Variants in SLC6A9 observed in about 807,000 individuals in gnomAD.
SLC6A9 encodes sodium- and chloride-dependent glycine transporter 1.
SLC6A9 carries 31 observed loss-of-function variants against 70.9 expected under a neutral mutation model. That is an observed-to-expected ratio of 0.44 (90% CI 0.33 to 0.59). The LOEUF (loss-of-function observed/expected upper bound fraction) is 0.59. Among genes scored for constraint, SLC6A9 ranks in the 20% least tolerant of loss-of-function variants. The pLI is 0.04. For missense variants in SLC6A9, 631 were observed against 845.2 expected, an observed-to-expected ratio of 0.75 and a Z score of 3.14; for synonymous variants, 310 against 341.3, an observed-to-expected ratio of 0.91 and a Z score of 1.01.
intron 1 of SLC6A9, 38 bp from the exon 2 acceptor site, chr1:44,024,400 G>A (rs766389235): frequency 6.6e-5 from 84 of 1,272,714 alleles, no homozygotes; most frequent in East Asian, 2.1e-4. Context: ...GGACTTGGCC[G>A]TGTGGCCCAC....
chr1:44,030,249 G>A (rs892276950), intron 1 of SLC6A9, among the ~76,000 whole-genome samples: 17 of 152,166 alleles, frequency 1.1e-4, no homozygotes, highest in Non-Finnish European at 2.1e-4. Flanking sequence ...AGATGTGGGG[G>A]CACGGGCGTT....
rs201753658 is a variant in SLC6A9, at chr1:44,000,752, G to C, written c.1536+15C>G. 1.3e-6 allele frequency: 2 copies of C among 1,552,812 alleles called. No individual in the cohort carries two copies. The highest frequency in any genetic ancestry group is 1.2e-5 in the South Asian group (1 of 85,910). Reference sequence around the variant, plus strand: ...GGGGCAGCGGGGGAAGGGAGGGGCCGGCCAGGGAACTCACGAAGATGATGG... The same window carrying C: ...GGGGCAGCGGGGGAAGGGAGGGGCCCGCCAGGGAACTCACGAAGATGATGG... On this transcript the variant is annotated intron_variant, in intron 12 of 13. Coordinates refer to ENST00000372310, the MANE Select transcript of SLC6A9 (RefSeq NM_001024845.3).
chr1:44,017,130 TCATTC>T lies in SLC6A9; in HGVS notation c.31-6253_31-6249del, dbSNP rs1342968582. 6 of 1,607,246 alleles carry T rather than the reference TCATTC, an allele frequency of 3.7e-6. No homozygotes were observed. In the Admixed American group the frequency reaches 6.8e-5, roughly 18 times the overall value. The stretch of plus-strand genomic sequence containing the variant: ...ATCGCAGCCCGCGTGTCTCCGCCGC[TCATTC>T]ACACCTCTGCCAGCTCCAGCGCGAC... On this transcript the variant is annotated intron_variant, in intron 2 of 13. Transcript: ENST00000372310.
chr1:44,030,451 A>G (rs2087085771), intron 1 of SLC6A9: 1 of 150,982 alleles, frequency 6.6e-6, no homozygotes, highest in South Asian at 2.0e-4. Flanking sequence ...CCTGCTCGAG[A>G]TCTGCAGTGG....
intron 12 of SLC6A9, 117 bp downstream of exon 12, chr1:44,000,650 T>G (rs34727426): frequency 1.5e-6 from 1 of 686,348 alleles, no homozygotes; most frequent in Non-Finnish European, 2.5e-6. Flanking sequence ...GCCAGAGTCA[T>G]GGGTATGGAG....
chr1:44,000,754 C>A lies in SLC6A9; in HGVS notation c.1536+13G>T. 1 of 1,565,880 alleles carries A rather than the reference C, an allele frequency of 6.4e-7. No individual in the cohort carries two copies. The highest frequency in any genetic ancestry group is 8.7e-7 in the Non-Finnish European group (1 of 1,145,450). Reference sequence around the variant, plus strand: ...GGCAGCGGGGGAAGGGAGGGGCCGGCCAGGGAACTCACGAAGATGATGGCG... The same window carrying A: ...GGCAGCGGGGGAAGGGAGGGGCCGGACAGGGAACTCACGAAGATGATGGCG... On this transcript the variant is annotated intron_variant, in intron 12 of 13. Transcript: ENST00000372310.
intron 2 of SLC6A9, among the ~76,000 whole-genome samples, chr1:44,020,259 T>G (rs2086856688): frequency 1.3e-5 from 2 of 152,194 alleles, no homozygotes; most frequent in African/African-American, 4.8e-5. Context: ...GTGCCCACCG[T>G]GTGCCAAATC....
chr1:44,012,255 G>A (rs549705009), intron 2 of SLC6A9, among the ~76,000 whole-genome samples: 4 of 152,340 alleles, frequency 2.6e-5, no homozygotes, highest in East Asian at 3.9e-4. Context: ...AAACACAGAC[G>A]GAATGAATGG....
chr1:44,019,282 C>T (rs2086837022), intron 2 of SLC6A9, among the ~76,000 whole-genome samples: 1 of 152,250 alleles, frequency 6.6e-6, no homozygotes, highest in South Asian at 2.1e-4. Flanking sequence ...CATATCTTAA[C>T]TCATTGGGTC....
intron 5 of SLC6A9, among the ~76,000 whole-genome samples, chr1:44,007,882 T>G (rs1380401560): frequency 1.5e-5 from 2 of 135,728 alleles, no homozygotes; most frequent in Non-Finnish European, 3.1e-5. Context: ...CATCTTCCAT[T>G]GCTTTCTTTC....
chr1:44,001,970 A>G (rs764197203), intron 8 of SLC6A9, among the ~76,000 whole-genome samples: 1 of 152,164 alleles, frequency 6.6e-6, no homozygotes, highest in Non-Finnish European at 1.5e-5. Context: ...TCCTGGGCTC[A>G]AGTGATCCTC....
chr1:44,016,601 T>TCCCCTTCCCCCAC (rs1236963388), intron 2 of SLC6A9: 2 of 162,790 alleles, frequency 1.2e-5, no homozygotes, highest in Non-Finnish European at 2.6e-5. Flanking sequence ...TCTTGCCCCA[T>TCCCCTTCCCCCAC]CCCCTTCCCC....
chr1:44,010,574 A>C, intron 3 of SLC6A9, 152 bp downstream of exon 3: 1 of 691,046 alleles, frequency 1.4e-6, no homozygotes, highest in Non-Finnish European at 2.4e-6. Flanking sequence ...CCTTAGGCAA[A>C]GGGTGCCTAA....
At chr1:44,017,197 G>C (rs1454849852) in intron 2 of SLC6A9, 3 of 1,569,874 alleles carry the variant, frequency 1.9e-6, no homozygotes, top group Non-Finnish European at 2.6e-6. Flanking sequence ...TGCCGGGCTG[G>C]GCAGCGTCAA....
chr1:44,001,548 T>C lies in SLC6A9; in HGVS notation c.1042A>G (p.Met348Val), dbSNP rs557841875. 6.2e-7 allele frequency: 1 copy of C among 1,614,254 alleles called. No homozygotes were observed. The highest frequency in any genetic ancestry group is 8.5e-7 in the Non-Finnish European group (1 of 1,180,046). ...ACATCCACGCCCAGGTGATTGGCCA[T>C]GAAGCCGAGGATGGAGAAGATGACG... ...GFVIFSILGFMANHLGVDVSR... is the reference protein window; with the variant it reads ...GFVIFSILGFVANHLGVDVSR... The change falls in exon 9 of 14, where the codon ATG becomes GTG. Residue 348 changes from methionine (M) to valine (V), a missense_variant. Coordinates refer to ENST00000372310, the MANE Select transcript of SLC6A9 (RefSeq NM_001024845.3).
rs369947347 is a variant in SLC6A9, at chr1:43,997,593, G to A, written c.1854C>T (p.Pro618=). Residue 618 remains proline, a synonymous_variant, in exon 14 of 14, where the codon CCC becomes CCT. Transcript: ENST00000372310. This position sits in a 1 kb window ranked among gnomAD's most constrained non-coding sequence, Gnocchi z 4.4. ...QPLHPDKAQI[P]IVGSNGSSRL... is the part of the protein sequence containing the mutation. ...GGCTGGAGCCATTACTGCCCACAAT[G>A]GGGATCTGCGCCTTGTCCGGGTGCA... The A allele has an allele frequency of 6.2e-7, 1 of 1,613,764 alleles. No individual in the cohort carries two copies. Among genetic ancestry groups the A allele is most frequent in the Non-Finnish European group, 8.5e-7 (1 of 1,179,992 alleles).
chr1:44,029,663 C>A (rs967557712), intron 1 of SLC6A9, among the ~76,000 whole-genome samples: 1 of 152,228 alleles, frequency 6.6e-6, no homozygotes, highest in African/African-American at 2.4e-5. Context: ...GTGCCCAAGT[C>A]TGGCTCCCCA....
chr1:44,008,688 T>C (rs2086418288), intron 4 of SLC6A9, 65 bp from the exon 5 acceptor site: 2 of 1,275,152 alleles, frequency 1.6e-6, no homozygotes, highest in African/African-American at 1.9e-5. Flanking sequence ...AGGTTAATAA[T>C]TTCTTTTTTT....
chr1:44,009,921 G>A lies in SLC6A9; in HGVS notation c.319+44C>T, dbSNP rs199967191. The stretch of plus-strand genomic sequence containing the variant: ...GTTGGCACGGCCCTCAGAGGCCGTT[G>A]TGTGTTTGTGTATGTGTGAGCGAGT... On this transcript the variant is annotated intron_variant, in intron 4 of 13. Transcript: ENST00000372310. 21 of 1,602,440 alleles carry A rather than the reference G, an allele frequency of 1.3e-5. No individual in the cohort carries two copies. In the South Asian group the frequency reaches 1.6e-4, roughly 12 times the overall value.
Sources: gnomAD v4.1 joint callset for allele counts (sites outside exome capture counted in the v4.1 genomes callset) on GRCh38, gnomAD v4.1.1 for gene constraint, Gnocchi (gnomAD v3.1) non-coding constraint, MANE v1.5 for transcripts, NCBI Gene and HGNC (gene_info 2026-07-23, HGNC 2026-07-21) for gene names.